RALYL: variants seen among roughly 807,000 people sequenced by gnomAD.
RALYL encodes the protein RNA-binding Raly-like protein.
A neutral mutation model predicts 35.1 loss-of-function variants in RALYL; 29 were observed. The ratio of observed to expected loss-of-function variants is 0.83; its 90% CI spans 0.61 to 1.13. The LOEUF is 1.13. Ranked by LOEUF, RALYL falls within the 50% of genes most tolerant of loss-of-function variation. The probability of loss-of-function intolerance (pLI) is 0.00; values close to 1 mark genes in which losing one functional copy is unlikely to be tolerated. For synonymous variants in RALYL, 120 were observed against 127.6 expected, an observed-to-expected ratio of 0.94 and a Z score of 0.40; for missense variants, 359 against 360.4, an observed-to-expected ratio of 1.00 and a Z score of 0.03.
chr8:84,495,858 G>A (rs190858222), intron 1 of RALYL, among the ~76,000 whole-genome samples: 16 of 152,184 alleles, frequency 1.1e-4, no homozygotes, highest in African/African-American at 3.4e-4. Context: ...CTGGGCTACC[G>A]GTTACAAGTT....
At chr8:84,897,243 A>G (rs1380678253) in intron 8 of RALYL, among the ~76,000 whole-genome samples, 2 of 152,170 alleles carry the variant, frequency 1.3e-5, no homozygotes, top group Non-Finnish European at 2.9e-5. Flanking sequence ...CATTATTGCT[A>G]TTGTTATGAT....
intron 2 of RALYL, among the ~76,000 whole-genome samples, chr8:84,647,093 C>G (rs1203842308): frequency 6.6e-6 from 1 of 151,918 alleles, no homozygotes; most frequent in Non-Finnish European, 1.5e-5. Flanking sequence ...GGAGAAGGAT[C>G]AATGGGGAGA....
At chr8:84,673,040 A>G (rs1387445223) in intron 2 of RALYL, among the ~76,000 whole-genome samples, 1 of 152,084 alleles carries the variant, frequency 6.6e-6, no homozygotes, top group African/African-American at 2.4e-5. Context: ...AGCATTTGTT[A>G]TTTTTTGACT....
intron 2 of RALYL, among the ~76,000 whole-genome samples, chr8:84,535,857 T>C (rs2059574107): frequency 6.6e-6 from 1 of 152,032 alleles, no homozygotes; most frequent in African/African-American, 2.4e-5. Flanking sequence ...TTACCAAATG[T>C]CTCCTGGGAG....
chr8:84,730,417 C>T (rs560925024), intron 2 of RALYL, among the ~76,000 whole-genome samples: 1 of 152,288 alleles, frequency 6.6e-6, no homozygotes, highest in East Asian at 1.9e-4. Context: ...GACATACCCA[C>T]AGCCAATATC....
intron 2 of RALYL, among the ~76,000 whole-genome samples, chr8:84,620,766 GT>G (rs1410206510): frequency 6.6e-6 from 1 of 151,632 alleles, no homozygotes; most frequent in East Asian, 1.9e-4. Flanking sequence ...GTACAGATGG[GT>G]TTTTGGTGTG....
chr8:84,826,747 C>T (rs1052792494), intron 4 of RALYL, among the ~76,000 whole-genome samples: 5 of 151,892 alleles, frequency 3.3e-5, no homozygotes, highest in Non-Finnish European at 5.9e-5. Context: ...CACACCCACC[C>T]ACACACATAC....
chr8:84,372,310 G>A (rs935170948), intron 1 of RALYL, among the ~76,000 whole-genome samples: 4 of 151,974 alleles, frequency 2.6e-5, no homozygotes, highest in African/African-American at 4.8e-5. Context: ...GCACGTGAGC[G>A]GCACACATTC....
At chr8:84,425,713 T>G (rs1185059638) in intron 1 of RALYL, among the ~76,000 whole-genome samples, 1 of 152,006 alleles carries the variant, frequency 6.6e-6, no homozygotes, top group East Asian at 1.9e-4. Flanking sequence ...CCAGAGACCC[T>G]CCAGAAACAT....
chr8:84,228,995 T>A (rs1234989279), intron 1 of RALYL, among the ~76,000 whole-genome samples: 2 of 152,180 alleles, frequency 1.3e-5, no homozygotes. Flanking sequence ...AGAGCCAAAC[T>A]ATATCACATC....
intron 8 of RALYL, among the ~76,000 whole-genome samples, chr8:84,918,236 A>AT (rs1848784838): frequency 6.6e-6 from 1 of 152,026 alleles, no homozygotes; most frequent in Non-Finnish European, 1.5e-5. Context: ...TAAAAGTATG[A>AT]TTTTCTGGGC....
chr8:84,774,143 C>T (rs1466805090), intron 2 of RALYL, among the ~76,000 whole-genome samples: 2 of 152,094 alleles, frequency 1.3e-5, no homozygotes, highest in Non-Finnish European at 2.9e-5. Flanking sequence ...TGTTTGAGAC[C>T]AGGAGTTCAA....
chr8:84,586,814 A>T (rs1279397664), intron 2 of RALYL, among the ~76,000 whole-genome samples: 1 of 152,184 alleles, frequency 6.6e-6, no homozygotes, highest in Non-Finnish European at 1.5e-5. Flanking sequence ...AACTTATTGG[A>T]GAAGCATGTT....
chr8:84,735,791 C>T (rs1847150282), intron 2 of RALYL, among the ~76,000 whole-genome samples: 1 of 146,300 alleles, frequency 6.8e-6, no homozygotes, highest in Non-Finnish European at 1.5e-5. Context: ...ATGCCCCATT[C>T]CTTAAGATCA....
chr8:84,690,749 G>T (rs1837867991), intron 2 of RALYL, among the ~76,000 whole-genome samples: 1 of 151,884 alleles, frequency 6.6e-6, no homozygotes, highest in Admixed American at 6.6e-5. Context: ...ATATAACATA[G>T]AAATCCATCT....
At chr8:84,512,183 T>A (rs1001868587) in intron 1 of RALYL, among the ~76,000 whole-genome samples, 1 of 152,170 alleles carries the variant, frequency 6.6e-6, no homozygotes, top group Non-Finnish European at 1.5e-5. Context: ...TTCCCTTTTC[T>A]ACACATCTTC....
chr8:84,413,677 C>A (rs1318541639), intron 1 of RALYL, among the ~76,000 whole-genome samples: 1 of 152,048 alleles, frequency 6.6e-6, no homozygotes, highest in African/African-American at 2.4e-5. Context: ...GTTATTATAA[C>A]TACTGCCTTA....
intron 1 of RALYL, among the ~76,000 whole-genome samples, chr8:84,507,666 A>AT (rs1168885924): frequency 1.3e-5 from 2 of 152,138 alleles, no homozygotes; most frequent in Admixed American, 6.6e-5. Context: ...ACAGAGGTTT[A>AT]TTTTTCCCTC....
intron 4 of RALYL, among the ~76,000 whole-genome samples, chr8:84,824,091 T>G (rs1829108683): frequency 6.6e-6 from 1 of 152,146 alleles, no homozygotes; most frequent in Admixed American, 6.6e-5. Flanking sequence ...GACAAGATTT[T>G]ATACCTAGAA....
Sources: allele counts gnomAD v4.1 joint callset (sites outside exome capture counted in the v4.1 genomes callset), GRCh38; gene constraint gnomAD v4.1.1; transcripts MANE v1.5; gene names NCBI Gene and HGNC (gene_info 2026-07-23, HGNC 2026-07-21).